Variants in CRYBG1 observed in about 807,000 individuals in gnomAD.
The protein encoded by CRYBG1 is beta/gamma crystallin domain-containing protein 1.
CRYBG1 carries 139 observed loss-of-function variants against 189.2 expected under a neutral mutation model. The observed-to-expected ratio is 0.73, with a 90% confidence interval of 0.64 to 0.85. The LOEUF is 0.85. Among genes scored for constraint, CRYBG1 ranks in the 40% least tolerant of loss-of-function variants. CRYBG1 has a pLI of 0.00. For synonymous variants in CRYBG1, 1,023 were observed against 1,017.1 expected, an observed-to-expected ratio of 1.01 and a Z score of -0.11; for missense variants, 2,611 against 2,675.8, an observed-to-expected ratio of 0.98 and a Z score of 0.53.
At chr6:106,414,493 G>T (rs1036785867) in intron 1 of CRYBG1, among the ~76,000 whole-genome samples, 11 of 152,228 alleles carry the variant, frequency 7.2e-5, no homozygotes, top group Admixed American at 7.2e-4. Flanking sequence ...AATGATGCTA[G>T]AAGACAAGTT....
intron 1 of CRYBG1, among the ~76,000 whole-genome samples, chr6:106,449,064 T>C (rs1771726140): frequency 6.6e-6 from 1 of 152,190 alleles, no homozygotes; most frequent in Admixed American, 6.5e-5. Context: ...CTTCTGTGAG[T>C]TGGACTGTTA....
intron 2 of CRYBG1, among the ~76,000 whole-genome samples, chr6:106,500,509 A>T (rs1420077345): frequency 6.6e-6 from 1 of 150,880 alleles, no homozygotes; most frequent in Non-Finnish European, 1.5e-5. Context: ...CCATTTTTTA[A>T]ATCAGATTGT....
intron 6 of CRYBG1, 76 bp downstream of exon 6, chr6:106,525,462 AC>A (rs1773719085): frequency 8.9e-7 from 1 of 1,129,540 alleles, no homozygotes; most frequent in Non-Finnish European, 1.3e-6. Context: ...AGTCCTCACT[AC>A]TAGTTTAAAA....
Position 106,517,359 on chromosome 6 carries a change from T to C in CRYBG1, c.1923-1772T>C, listed in dbSNP as rs1403852547. ...ATATATATACACACACATATATATA[T>C]ACACATATATACACACACACATATA... On this transcript the variant is annotated intron_variant, in intron 3 of 21. Transcript: ENST00000633556. Among the ~76,000 whole-genome samples the C allele has an allele frequency of 4.6e-4, 35 of 75,378 alleles. 1 individual carries two copies. The highest frequency in any genetic ancestry group is 1.2e-3 in the Admixed American group (9 of 7,670). 49.5% of individuals were successfully genotyped at this position (75,378 alleles called of 152,430 possible). A position where few individuals can be genotyped will look rare whatever the true frequency, so the allele number is the denominator to read the frequency against.
chr6:106,505,057 C>T (rs910956670), intron 2 of CRYBG1, among the ~76,000 whole-genome samples: 7 of 151,110 alleles, frequency 4.6e-5, no homozygotes, highest in African/African-American at 1.7e-4. Flanking sequence ...TCAAGTGATC[C>T]TCCGGCACAG....
intron 1 of CRYBG1, among the ~76,000 whole-genome samples, chr6:106,375,794 C>G (rs1770151162): frequency 6.6e-6 from 1 of 152,210 alleles, no homozygotes; most frequent in African/African-American, 2.4e-5. Flanking sequence ...CCCTTCACCC[C>G]TGTGGGTGTA....
chr6:106,463,364 G>A (rs1187254806), intron 2 of CRYBG1, among the ~76,000 whole-genome samples: 2 of 151,970 alleles, frequency 1.3e-5, no homozygotes, highest in African/African-American at 4.8e-5. Flanking sequence ...GTATACATTT[G>A]CTTTGTTTTG....
chr6:106,527,988 G>A (rs554311943), intron 7 of CRYBG1, among the ~76,000 whole-genome samples: 13 of 152,210 alleles, frequency 8.5e-5, no homozygotes, highest in Non-Finnish European at 1.6e-4. Flanking sequence ...GATGAGGAAA[G>A]TGTTGTCAGA....
intron 2 of CRYBG1, among the ~76,000 whole-genome samples, chr6:106,465,752 A>T (rs1335388986): frequency 6.6e-6 from 1 of 152,184 alleles, no homozygotes; most frequent in African/African-American, 2.4e-5. Context: ...TCACATTGTT[A>T]TCATTAACTT....
In CRYBG1 at chr6:106,447,883, G is replaced by A. The variant is rs963095625; in HGVS notation, c.174-3811G>A. Among the ~76,000 whole-genome samples the A allele has an allele frequency of 3.3e-5, 5 of 152,178 alleles. No individual in the cohort carries two copies. The East Asian group carries it at 9.6e-4, about 29-fold the overall frequency. ...ATGGAAGATCTAGAAAATGCTGAAA[G>A]AATGAATGCTAGATAGTGTTACAAA... On this transcript the variant is annotated intron_variant, in intron 1 of 21. Coordinates refer to ENST00000633556, the MANE Select transcript of CRYBG1 (RefSeq NM_001371242.2).
intron 2 of CRYBG1, among the ~76,000 whole-genome samples, chr6:106,479,053 G>A (rs534149634): frequency 1.5e-4 from 23 of 152,168 alleles, no homozygotes; most frequent in African/African-American, 5.6e-4. Context: ...CCATGTTGTA[G>A]CATGTATCAG....
At chr6:106,488,601 A>G (rs909997095) in intron 2 of CRYBG1, among the ~76,000 whole-genome samples, 1 of 151,958 alleles carries the variant, frequency 6.6e-6, no homozygotes, top group African/African-American at 2.4e-5. Flanking sequence ...GCCAGAGGCT[A>G]TACGCAGCTC....
chr6:106,549,592 TAAATAA>T (rs1265477667), intron 13 of CRYBG1, among the ~76,000 whole-genome samples: 1 of 148,852 alleles, frequency 6.7e-6, no homozygotes, highest in East Asian at 2.0e-4. Flanking sequence ...AAATAAAAAA[TAAATAA>T]AAATAAAAAA....
intron 8 of CRYBG1, among the ~76,000 whole-genome samples, chr6:106,538,728 TA>T (rs892105530): frequency 1.1e-4 from 16 of 147,518 alleles, no homozygotes; most frequent in South Asian, 2.2e-4. Context: ...CCCCCTCTAC[TA>T]AAAAAAAAAT....
chr6:106,475,415 G>C (rs1772314904), intron 2 of CRYBG1, among the ~76,000 whole-genome samples: 1 of 152,198 alleles, frequency 6.6e-6, no homozygotes, highest in Admixed American at 6.5e-5. Context: ...AAGGATTTCA[G>C]TAAGCTTAGG....
chr6:106,570,691 G>GA lies in CRYBG1; in HGVS notation c.*2129dup, dbSNP rs1244013161. 6.6e-6 allele frequency: 1 copy of GA among 152,178 alleles called. No individual in the cohort carries two copies. The highest frequency in any genetic ancestry group is 1.5e-5 in the Non-Finnish European group (1 of 68,036). 9.4% of individuals were successfully genotyped at this position (152,178 alleles called of 1,614,324 possible). A position where few individuals can be genotyped will look rare whatever the true frequency, so the allele number is the denominator to read the frequency against. ...CCACTACCACCTGGGAGCCCTCCAG[G>GA]AAAAGAGCTGAGGCTGCTCCAGATG... is the stretch of plus-strand genomic sequence containing the variant. On this transcript the variant is annotated 3_prime_UTR_variant, in exon 22 of 22. Transcript: ENST00000633556.
chr6:106,385,516 G>A (rs1339955070), intron 1 of CRYBG1, among the ~76,000 whole-genome samples: 2 of 152,166 alleles, frequency 1.3e-5, no homozygotes, highest in South Asian at 4.1e-4. Context: ...CAGTTTTCCT[G>A]ATACATAATC....
At chr6:106,500,438 A>AAC (rs923058862) in intron 2 of CRYBG1, among the ~76,000 whole-genome samples, 9 of 151,806 alleles carry the variant, frequency 5.9e-5, no homozygotes, top group African/African-American at 1.9e-4. Context: ...AAAAACAAAA[A>AAC]AAAAAACCTC....
At chr6:106,441,626 A>G (rs1188234970) in intron 1 of CRYBG1, among the ~76,000 whole-genome samples, 2 of 152,210 alleles carry the variant, frequency 1.3e-5, no homozygotes, top group Non-Finnish European at 2.9e-5. Flanking sequence ...TAGTCGCTAC[A>G]TAAGGATATG....
Sources: gnomAD v4.1 joint callset for allele counts (sites outside exome capture counted in the v4.1 genomes callset) on GRCh38, gnomAD v4.1.1 for gene constraint, MANE v1.5 for transcripts, NCBI Gene and HGNC (gene_info 2026-07-23, HGNC 2026-07-21) for gene names.